WDR7: variants seen among roughly 807,000 people sequenced by gnomAD.
The protein encoded by WDR7 is WD repeat domain 7.
Under a neutral mutation model 169.4 loss-of-function variants are expected in WDR7, and 46 were observed. The observed-to-expected ratio is 0.27, with a 90% CI of 0.21 to 0.35. WDR7 has a LOEUF of 0.35. Among genes scored for constraint, WDR7 ranks in the 10% least tolerant of loss-of-function variants. The probability of loss-of-function intolerance (pLI) is 1.00; values close to 1 mark genes in which losing one functional copy is unlikely to be tolerated. For missense variants in WDR7, 1,534 were observed against 1,859.3 expected (o/e 0.83, Z 3.22); for synonymous variants, 612 against 666.8 (o/e 0.92, Z 1.27).
Position 56,696,423 on chromosome 18 carries a change from TGAG to T in WDR7, c.1540_1542del (p.Glu514del), listed in dbSNP as rs2025706044. ...AACATATCTTCTGTGTTCATGGTGG[TGAG>T]ATTACTCAACTTCTAGTTCCACCTG... is the stretch of plus-strand genomic sequence containing the variant. On this transcript the variant is annotated inframe_deletion, in exon 12 of 28. Coordinates refer to ENST00000254442, the MANE Select transcript of WDR7 (RefSeq NM_015285.3). The T allele has an allele frequency of 6.2e-7, 1 of 1,614,010 alleles. No homozygotes were observed. The highest frequency in any genetic ancestry group is 2.2e-5 in the East Asian group (1 of 44,866).
rs185801423 is a variant in WDR7, at chr18:56,708,332, C to T, written c.1579-9632C>T. Among the ~76,000 whole-genome samples the T allele has an allele frequency of 4.6e-5, 7 of 152,138 alleles. No individual in the cohort carries two copies. In the East Asian group the frequency reaches 1.4e-3, roughly 30 times the overall value. ...TATGGGTATGAGCCATCATGCCTGG[C>T]CCAGTGTTTATTTCTTGTAATGATA... On this transcript the variant is annotated intron_variant, in intron 12 of 27. Coordinates refer to ENST00000254442, the MANE Select transcript of WDR7 (RefSeq NM_015285.3).
intron 25 of WDR7, 34 bp downstream of exon 25, chr18:56,939,427 A>T (rs2047004319): frequency 6.8e-7 from 1 of 1,464,630 alleles, no homozygotes. Flanking sequence ...CAGAATAAAT[A>T]ATTTTCAGTA....
Position 57,024,762 on chromosome 18 carries a change from G to A in WDR7, c.4270-2242G>A, listed in dbSNP as rs68178793. Among the ~76,000 whole-genome samples, 178 of 33,852 alleles carry A rather than the reference G, an allele frequency of 5.3e-3. 6 individuals are homozygous for A. Among genetic ancestry groups the A allele is most frequent in the East Asian group, 8.8e-3 (9 of 1,022 alleles). 22.2% of individuals were successfully genotyped at this position (33,852 alleles called of 152,430 possible). On this transcript the variant is annotated intron_variant, in intron 27 of 27. Coordinates refer to ENST00000254442, the MANE Select transcript of WDR7 (RefSeq NM_015285.3). ...CTCAGACAGGAATAGGGATATGTGA[G>A]CTATGATAGTTATGTCCCTTATAGA...
At chr18:56,887,313 C>T (rs2046210622) in intron 21 of WDR7, among the ~76,000 whole-genome samples, 2 of 152,064 alleles carry the variant, frequency 1.3e-5, no homozygotes. Flanking sequence ...CATGATTTCT[C>T]CTCAACTTTC....
In WDR7 at chr18:56,695,020, T is replaced by C. The variant is rs777432775; in HGVS notation, c.1179T>C (p.Ile393=). 1 of 1,614,210 alleles carries C rather than the reference T, an allele frequency of 6.2e-7. No homozygotes were observed. Among genetic ancestry groups the C allele is most frequent in the Non-Finnish European group, 8.5e-7 (1 of 1,180,026 alleles). Residue 393 remains isoleucine, a synonymous_variant, in exon 11 of 28, where the codon ATT becomes ATC. Transcript: ENST00000254442. The part of the protein sequence containing the change: ...FDKLNPCPAG[I]IDQLSVIPNS... The stretch of plus-strand genomic sequence containing the variant: ...AACTGAATCCTTGTCCTGCTGGAAT[T>C]ATAGATCAGCTGAGTGTGATTCCCA...
At chr18:56,684,509 T>G (rs1011563944) in intron 5 of WDR7, among the ~76,000 whole-genome samples, 1 of 152,074 alleles carries the variant, frequency 6.6e-6, no homozygotes, top group African/African-American at 2.4e-5. Flanking sequence ...TGGGCTGGAG[T>G]TGACTCATGA....
chr18:56,860,529 C>A (rs1355200880), intron 20 of WDR7, among the ~76,000 whole-genome samples: 2 of 152,038 alleles, frequency 1.3e-5, no homozygotes. Context: ...TCATGAGTAA[C>A]CCTATAATAA....
At chr18:56,747,499 A>T (rs1435933746) in intron 14 of WDR7, among the ~76,000 whole-genome samples, 1 of 152,210 alleles carries the variant, frequency 6.6e-6, no homozygotes, top group Non-Finnish European at 1.5e-5. Flanking sequence ...AGAGGGCATC[A>T]GTTACACCCA....
At chr18:56,912,580 C>T (rs532276333) in intron 21 of WDR7, among the ~76,000 whole-genome samples, 31 of 152,180 alleles carry the variant, frequency 2.0e-4, no homozygotes, top group Admixed American at 3.3e-4. Context: ...CTACTAAAAT[C>T]TTTTTGTGAG....
At position 57,009,435 on chromosome 18, in the gene WDR7, C is replaced by T. The variant is rs187746035; in HGVS notation, c.4165-11310C>T. ...TGGGGGAACAGGTGGTGTTTGGTTA[C>T]ATGACTAAATAACTTGGTATTTCTT... On this transcript the variant is annotated intron_variant, in intron 26 of 27. Transcript: ENST00000254442. Among the ~76,000 whole-genome samples, 150 of 152,232 alleles carry T rather than the reference C, an allele frequency of 9.9e-4. No individual in the cohort carries two copies. In the Middle Eastern group the frequency reaches 0.024, roughly 24 times the overall value.
chr18:56,919,344 A>T (rs796245963), intron 21 of WDR7, among the ~76,000 whole-genome samples: 2 of 152,332 alleles, frequency 1.3e-5, no homozygotes, highest in Admixed American at 6.5e-5. Context: ...TGGGAAGTGG[A>T]TGCTGTGCTG....
chr18:56,906,470 A>G (rs988615918), intron 21 of WDR7, among the ~76,000 whole-genome samples: 1 of 152,136 alleles, frequency 6.6e-6, no homozygotes, highest in Non-Finnish European at 1.5e-5. Context: ...CACTGGTTCA[A>G]AGTTGTTGAA....
intron 21 of WDR7, among the ~76,000 whole-genome samples, chr18:56,898,236 C>T (rs1259055116): frequency 6.6e-6 from 1 of 151,782 alleles, no homozygotes; most frequent in African/African-American, 2.4e-5. Context: ...GAATAAAATA[C>T]CCATGAAGCC....
At chr18:56,832,692 G>T (rs1161906057) in intron 20 of WDR7, among the ~76,000 whole-genome samples, 1 of 152,186 alleles carries the variant, frequency 6.6e-6, no homozygotes, top group Non-Finnish European at 1.5e-5. Context: ...TGATACCTGG[G>T]CAAACAGGGT....
At chr18:56,738,119 C>T (rs1164287162) in intron 14 of WDR7, among the ~76,000 whole-genome samples, 1 of 152,108 alleles carries the variant, frequency 6.6e-6, no homozygotes, top group African/African-American at 2.4e-5. Context: ...ATGCCTGTGA[C>T]TGTAAGAGGG....
intron 19 of WDR7, among the ~76,000 whole-genome samples, chr18:56,803,374 G>A (rs889303175): frequency 4.6e-5 from 7 of 152,194 alleles, no homozygotes; most frequent in African/African-American, 1.7e-4. Flanking sequence ...AGAGTCAAAA[G>A]CGTTCCTATT....
chr18:56,956,991 T>C (rs2047259885), intron 25 of WDR7, among the ~76,000 whole-genome samples: 1 of 152,178 alleles, frequency 6.6e-6, no homozygotes, highest in Non-Finnish European at 1.5e-5. Flanking sequence ...CATTGTCTAC[T>C]AAAATTTAAA....
At chr18:56,704,515 G>C (rs1598975591) in intron 12 of WDR7, among the ~76,000 whole-genome samples, 2 of 152,258 alleles carry the variant, frequency 1.3e-5, no homozygotes, top group East Asian at 3.9e-4. Context: ...CTCCAGCCTA[G>C]GTGACAGAGT....
At chr18:56,786,662 G>A (rs141408616) in intron 19 of WDR7, among the ~76,000 whole-genome samples, 96 of 151,990 alleles carry the variant, frequency 6.3e-4, no homozygotes, top group East Asian at 2.5e-3. Flanking sequence ...TAAAAATATC[G>A]TGAGTATGTA....
Sources: allele counts gnomAD v4.1 joint callset (sites outside exome capture counted in the v4.1 genomes callset), GRCh38; gene constraint gnomAD v4.1.1; transcripts MANE v1.5; gene names NCBI Gene and HGNC (gene_info 2026-07-23, HGNC 2026-07-21).